CNTN6: variants seen among roughly 807,000 people sequenced by gnomAD.
CNTN6 encodes the protein contactin 6.
CNTN6 carries 137 observed loss-of-function variants against 122.8 expected under a neutral mutation model. The observed-to-expected ratio is 1.12, with a 90% confidence interval of 0.97 to 1.29. CNTN6 has a LOEUF of 1.29. CNTN6 is among the 50% of genes most tolerant of loss of function. CNTN6 has a pLI of 0.00. For synonymous variants in CNTN6, 570 were observed against 426.0 expected (o/e 1.34, Z -4.16); for missense variants, 1,634 against 1,223.4 (o/e 1.34, Z -5.01).
Position 1,403,389 on chromosome 3 carries a change from C to A in CNTN6, c.3058C>A (p.His1020Asn), listed in dbSNP as rs1695981387. ...HFLSIVIVIF[H>N]CFAIQPLI ...TCTTTCCATTGTCATTGTGATTTTT[C>A]ACTGTTTTGCTATTCAGCCACTTAT... The change falls in exon 23 of 23, where the codon CAC (histidine) becomes AAC (asparagine). Residue 1020 changes from histidine to asparagine, a missense_variant. By Grantham distance (68) the His-to-Asn change is moderately conservative (BLOSUM62 1). Coordinates refer to ENST00000446702, the MANE Select transcript of CNTN6 (RefSeq NM_001289080.2). The A allele has an allele frequency of 6.2e-7, 1 of 1,610,302 alleles. No individual in the cohort carries two copies. The highest frequency in any genetic ancestry group is 1.3e-5 in the African/African-American group (1 of 74,750).
In CNTN6 at chr3:1,383,117, A is replaced by T. The variant is rs773287290; in HGVS notation, c.2342A>T (p.Tyr781Phe). 6.2e-7 allele frequency: 1 copy of T among 1,613,968 alleles called. No individual in the cohort carries two copies. Among genetic ancestry groups the T allele is most frequent in the East Asian group, 2.2e-5 (1 of 44,886 alleles). The change falls in exon 18 of 23, where the codon TAT becomes TTT. Residue 781 changes from tyrosine to phenylalanine, a missense_variant. Transcript: ENST00000446702. Reference sequence around the variant, plus strand: ...CCCTTTGAAGTCAAAGTGGGTGTGTATAATAATGAAGGAGAAGGATCCCTG... The same window carrying T: ...CCCTTTGAAGTCAAAGTGGGTGTGTTTAATAATGAAGGAGAAGGATCCCTG... ...LSPFEVKVGV[Y>F]NNEGEGSLST...
At chr3:1,102,625 G>A (rs902231462) in intron 1 of CNTN6, among the ~76,000 whole-genome samples, 5 of 150,120 alleles carry the variant, frequency 3.3e-5, no homozygotes, top group Middle Eastern at 3.4e-3. Context: ...CTACTCGGGA[G>A]GCTGAGGCAG....
chr3:1,243,061 G>GC (rs1288058523), intron 4 of CNTN6, among the ~76,000 whole-genome samples: 4 of 152,216 alleles, frequency 2.6e-5, no homozygotes, highest in African/African-American at 9.6e-5. Flanking sequence ...CAATCAGGCA[G>GC]CGTCAGTCTT....
intron 1 of CNTN6, among the ~76,000 whole-genome samples, chr3:1,109,346 G>C (rs2091371075): frequency 6.6e-6 from 1 of 151,998 alleles, no homozygotes; most frequent in Admixed American, 6.6e-5. Flanking sequence ...TAGAGGAAAA[G>C]AAAGTAATAT....
chr3:1,359,595 T>C (rs1707151749), intron 12 of CNTN6, among the ~76,000 whole-genome samples: 2 of 152,086 alleles, frequency 1.3e-5, no homozygotes, highest in African/African-American at 4.8e-5. Flanking sequence ...TTTTACTCTG[T>C]GGTGAAATAT....
At position 1,352,759 on chromosome 3, in the gene CNTN6, G is replaced by A. The variant is rs575553219; in HGVS notation, c.1492+308G>A. On this transcript the variant is annotated intron_variant, in intron 12 of 22. Transcript: ENST00000446702. Reference sequence around the variant, plus strand: ...TAGGGGCCATGGACGTTTTGATAAAGTCACTGGATAACATTTTTTTGGTCA... The same window carrying A: ...TAGGGGCCATGGACGTTTTGATAAAATCACTGGATAACATTTTTTTGGTCA... 2.9e-3 allele frequency among the ~76,000 whole-genome samples: 434 copies of A among 151,836 alleles called. 2 individuals are homozygous for A. The highest frequency in any genetic ancestry group is 4.5e-3 in the Non-Finnish European group (303 of 67,784).
At chr3:1,118,407 A>C (rs73105118) in intron 1 of CNTN6, among the ~76,000 whole-genome samples, 9,492 of 152,252 alleles carry the variant, frequency 0.062, 1,050 homozygotes, top group African/African-American at 0.22. Context: ...ATTTCTAAAC[A>C]AAGCCTAAAG....
At position 1,373,939 on chromosome 3, in the gene CNTN6, A is replaced by T. The variant is rs776329974; in HGVS notation, c.1961A>T (p.Asn654Ile). ...QAVATVPEIL[N>I]GKTYNATVVG... ...TTCTTTTTAGTTCCAGAAATTCTCAATGGTAAGACATACAATGCAACAGTG... is the reference window on the plus strand; with the variant it reads ...TTCTTTTTAGTTCCAGAAATTCTCATTGGTAAGACATACAATGCAACAGTG... Residue 654 changes from asparagine (N) to isoleucine (I), a missense_variant, in exon 16 of 23, where the codon AAT becomes ATT. Physicochemically the swap from Asn to Ile is moderately radical, Grantham distance 149. Transcript: ENST00000446702. 8.7e-6 allele frequency: 14 copies of T among 1,609,908 alleles called. No individual in the cohort carries two copies. Among genetic ancestry groups the T allele is most frequent in the African/African-American group, 1.3e-5 (1 of 74,792 alleles).
In CNTN6 at chr3:1,401,565, T is replaced by C. The variant is rs1467258002; in HGVS notation, c.2817+20T>C. 6.6e-7 allele frequency: 1 copy of C among 1,523,560 alleles called. No individual in the cohort carries two copies. The highest frequency in any genetic ancestry group is 1.7e-5 in the Admixed American group (1 of 57,232). The allele number at this position is 1,523,560 out of a possible 1,614,324, so 94.4% of individuals were successfully genotyped here. A position where few individuals can be genotyped will look rare whatever the true frequency, so the allele number is the denominator to read the frequency against. On this transcript the variant is annotated intron_variant, in intron 21 of 22. Coordinates refer to ENST00000446702, the MANE Select transcript of CNTN6 (RefSeq NM_001289080.2). ...TACAAGGTGAGTTTTTAGTTTTTCC[T>C]TTAATCATATCAATTAAGTTACTAA...
intron 8 of CNTN6, among the ~76,000 whole-genome samples, chr3:1,324,821 A>C (rs1354794310): frequency 2.0e-5 from 3 of 149,820 alleles, no homozygotes; most frequent in Middle Eastern, 3.4e-3. Flanking sequence ...TAGGGTTCAA[A>C]TTTTGGCTTC....
At chr3:1,266,715 C>G (rs977933191) in intron 4 of CNTN6, among the ~76,000 whole-genome samples, 2 of 152,168 alleles carry the variant, frequency 1.3e-5, no homozygotes, top group African/African-American at 4.8e-5. Context: ...TCCAAGTGAC[C>G]TCGGGCCTCA....
At chr3:1,177,790 T>C (rs2093478296) in intron 2 of CNTN6, among the ~76,000 whole-genome samples, 1 of 152,024 alleles carries the variant, frequency 6.6e-6, no homozygotes, top group South Asian at 2.1e-4. Context: ...GTATAAATTT[T>C]TTTTCTTTAT....
intron 3 of CNTN6, among the ~76,000 whole-genome samples, chr3:1,223,195 G>T (rs148184194): frequency 6.6e-6 from 1 of 152,106 alleles, no homozygotes; most frequent in East Asian, 1.9e-4. Flanking sequence ...GGTTACCTGG[G>T]TATAGTGTAA....
At chr3:1,279,781 G>C (rs949772443) in intron 5 of CNTN6, among the ~76,000 whole-genome samples, 2 of 152,134 alleles carry the variant, frequency 1.3e-5, no homozygotes, top group Non-Finnish European at 2.9e-5. Context: ...ACTTGAAAGC[G>C]TTTTTCCATT....
At chr3:1,211,121 G>T (rs1189481781) in intron 2 of CNTN6, among the ~76,000 whole-genome samples, 1 of 152,192 alleles carries the variant, frequency 6.6e-6, no homozygotes, top group Admixed American at 6.5e-5. Flanking sequence ...GTGCAAATTA[G>T]ACTTCTGCGG....
rs892211203 is a variant in CNTN6 at position 1,282,706 on chromosome 3, C to G, written c.454+4198C>G. Among the ~76,000 whole-genome samples the G allele has an allele frequency of 5.9e-5, 9 of 152,314 alleles. No homozygotes were observed. The South Asian group carries it at 1.9e-3, about 32-fold the overall frequency. On this transcript the variant is annotated intron_variant, in intron 5 of 22. Coordinates refer to ENST00000446702, the MANE Select transcript of CNTN6 (RefSeq NM_001289080.2). ...CTTCACTAAGATTCCTGTTAAACGT[C>G]TCCTTCATTCCTCCTAAACGCTCTC...
At chr3:1,378,697 G>T (rs982306505) in intron 17 of CNTN6, among the ~76,000 whole-genome samples, 3 of 152,188 alleles carry the variant, frequency 2.0e-5, no homozygotes, top group Admixed American at 6.5e-5. Flanking sequence ...ATGCTATAAG[G>T]TGGTTATACC....
intron 2 of CNTN6, among the ~76,000 whole-genome samples, chr3:1,219,034 G>A (rs1338070427): frequency 6.6e-6 from 1 of 152,142 alleles, no homozygotes; most frequent in Non-Finnish European, 1.5e-5. Context: ...AATAGCAAAT[G>A]TATTATAACT....
In CNTN6 at chr3:1,327,357, G is replaced by C. The variant is rs12637312; in HGVS notation, c.1084-100G>C. On this transcript the variant is annotated intron_variant, in intron 9 of 22. Coordinates refer to ENST00000446702, the MANE Select transcript of CNTN6 (RefSeq NM_001289080.2). ...AGTGTATTAATACACCAAATTATCA[G>C]ATCTCATAGATATACACAAATGTTG... is the stretch of plus-strand genomic sequence containing the variant. The C allele has an allele frequency of 1.7e-5, 22 of 1,292,046 alleles. No individual in the cohort carries two copies. In the African/African-American group the frequency reaches 3.2e-4, roughly 19 times the overall value. The allele number at this position is 1,292,046 out of a possible 1,614,324, so 80.0% of individuals were successfully genotyped here. A position where few individuals can be genotyped will look rare whatever the true frequency, so the allele number is the denominator to read the frequency against.
Sources: allele counts gnomAD v4.1 joint callset (sites outside exome capture counted in the v4.1 genomes callset), GRCh38; gene constraint gnomAD v4.1.1; transcripts MANE v1.5; gene names NCBI Gene and HGNC (gene_info 2026-07-23, HGNC 2026-07-21).